The following NMNAT3 variants were observed in gnomAD, a reference collection of about 807,000 sequenced individuals.
NMNAT3 encodes the protein nicotinamide/nicotinic acid mononucleotide adenylyltransferase 3.
A neutral mutation model predicts 24.8 loss-of-function variants in NMNAT3; 21 were observed. The ratio of observed to expected loss-of-function variants is 0.85; its 90% CI spans 0.60 to 1.22. The LOEUF is 1.22. Ranked by LOEUF, NMNAT3 falls within the 50% of genes most tolerant of loss-of-function variation. The pLI, the probability that NMNAT3 is intolerant of heterozygous loss-of-function variation, is 0.00. For synonymous variants in NMNAT3, 136 were observed against 155.2 expected (o/e 0.88, Z 0.92); for missense variants, 387 against 436.6 (o/e 0.89, Z 1.01).
At chr3:139,648,841 A>G (rs951674307) in intron 1 of NMNAT3, among the ~76,000 whole-genome samples, 2 of 152,230 alleles carry the variant, frequency 1.3e-5, no homozygotes. Context: ...ATTATTGAGT[A>G]AATACTGGTA....
chr3:139,587,472 G>T (rs1405822729), intron 3 of NMNAT3, among the ~76,000 whole-genome samples: 7 of 152,148 alleles, frequency 4.6e-5, no homozygotes, highest in Admixed American at 1.3e-4. Flanking sequence ...AGATCCCTCG[G>T]CTAGAAAGTA....
chr3:139,642,578 C>G (rs979630846), intron 1 of NMNAT3, among the ~76,000 whole-genome samples: 3 of 152,180 alleles, frequency 2.0e-5, no homozygotes, highest in Non-Finnish European at 2.9e-5. Flanking sequence ...TTGGTTGGCA[C>G]TGTGACCTGA....
chr3:139,672,535 T>G (rs1559979737), intron 1 of NMNAT3: 1 of 152,188 alleles, frequency 6.6e-6, no homozygotes, highest in Non-Finnish European at 1.5e-5. Context: ...ACAATTACAA[T>G]CCTATTATAG....
intron 3 of NMNAT3, among the ~76,000 whole-genome samples, chr3:139,605,023 C>T (rs2054879765): frequency 6.6e-6 from 1 of 152,028 alleles, no homozygotes; most frequent in Non-Finnish European, 1.5e-5. Context: ...GATGCCAGCC[C>T]TCCTGATCCT....
intron 1 of NMNAT3, among the ~76,000 whole-genome samples, chr3:139,641,572 C>G (rs1026143297): frequency 6.6e-6 from 1 of 152,180 alleles, no homozygotes; most frequent in South Asian, 2.1e-4. Context: ...ACACTCCATT[C>G]TCAGAGGTTG....
rs772235122 is a variant in NMNAT3, at chr3:139,573,620, C to T, written c.636G>A (p.Lys212=). 3 of 1,602,750 alleles carry T rather than the reference C, an allele frequency of 1.9e-6. No homozygotes were observed. Among genetic ancestry groups the T allele is most frequent in the East Asian group, 2.3e-5 (1 of 44,414 alleles). Residue 212 remains lysine, a synonymous_variant, in exon 6 of 7, where the codon AAG becomes AAA. Transcript: ENST00000643695. ...CACCTGCAGGGGTCGAGAAGAGTGCCTTGCCATGGTCTGGGCCTTCCATCT... is the reference window on the plus strand; with the variant it reads ...CACCTGCAGGGGTCGAGAAGAGTGCTTTGCCATGGTCTGGGCCTTCCATCT...
chr3:139,616,483 C>A (rs1025302098), intron 3 of NMNAT3, among the ~76,000 whole-genome samples: 1 of 152,130 alleles, frequency 6.6e-6, no homozygotes, highest in Non-Finnish European at 1.5e-5. Flanking sequence ...TTATTACCTA[C>A]AGGTCACTCA....
In NMNAT3 at chr3:139,583,545, A is replaced by G. The variant is rs911577580; in HGVS notation, c.110-337T>C. 8.3e-6 allele frequency: 8 copies of G among 965,314 alleles called. 1 individual carries two copies. The highest frequency in any genetic ancestry group is 1.3e-5 in the Non-Finnish European group (8 of 592,630). The allele number at this position is 965,314 out of a possible 1,614,324, so 59.8% of individuals were successfully genotyped here. A position where few individuals can be genotyped will look rare whatever the true frequency, so the allele number is the denominator to read the frequency against. ...GACTGTTTTGTTTCCACAAAGTTTG[A>G]ATTATTTTCTTCACTTCATTTGAGA... On this transcript the variant is annotated intron_variant, in intron 3 of 6. Coordinates refer to ENST00000643695, the MANE Select transcript of NMNAT3 (RefSeq NM_001320510.2).
chr3:139,607,215 T>C (rs1021600), intron 3 of NMNAT3, among the ~76,000 whole-genome samples: 127,584 of 151,976 alleles, frequency 0.84, 54,065 homozygotes, highest in South Asian at 0.91. Context: ...CACCACTCTG[T>C]ACTTATTTCT....
chr3:139,643,715 G>A (rs573114442), intron 1 of NMNAT3, among the ~76,000 whole-genome samples: 10 of 152,226 alleles, frequency 6.6e-5, no homozygotes, highest in African/African-American at 1.9e-4. Flanking sequence ...TGGCGGTGCC[G>A]GGGGTGGGAG....
chr3:139,644,027 C>A (rs917278640), intron 1 of NMNAT3, among the ~76,000 whole-genome samples: 4 of 152,138 alleles, frequency 2.6e-5, no homozygotes, highest in African/African-American at 9.7e-5. Flanking sequence ...TTGCCTATAC[C>A]AAGAGAATCA....
Position 139,590,940 on chromosome 3 carries a change from A to T in NMNAT3, c.110-7732T>A, listed in dbSNP as rs2054134569. On this transcript the variant is annotated intron_variant, in intron 3 of 6. Transcript: ENST00000643695. ...TAATGATATAGATTAAAAATATATAAAAAAAGAATTTACTCAGAGGAGGAG... is the reference window on the plus strand; with the variant it reads ...TAATGATATAGATTAAAAATATATATAAAAAGAATTTACTCAGAGGAGGAG... Among the ~76,000 whole-genome samples the T allele has an allele frequency of 2.0e-5, 3 of 152,222 alleles. 1 individual carries two copies. In the South Asian group the frequency reaches 6.2e-4, roughly 32 times the overall value.
chr3:139,563,396 A>C (rs1428472040), intron 6 of NMNAT3, among the ~76,000 whole-genome samples: 2 of 152,158 alleles, frequency 1.3e-5, no homozygotes, highest in African/African-American at 4.8e-5. Context: ...ATTTGCTGGG[A>C]CCTGGGACAC....
chr3:139,665,058 C>T (rs757904985), intron 1 of NMNAT3, among the ~76,000 whole-genome samples: 1 of 152,180 alleles, frequency 6.6e-6, no homozygotes, highest in African/African-American at 2.4e-5. Flanking sequence ...ACACCCTCCT[C>T]CACAATAAAC....
intron 5 of NMNAT3, chr3:139,576,075 C>T: frequency 1.6e-6 from 2 of 1,284,660 alleles, no homozygotes; most frequent in African/African-American, 1.5e-5. Context: ...TCAGTAAGCT[C>T]TACAGTGAAT....
intron 3 of NMNAT3, among the ~76,000 whole-genome samples, chr3:139,616,932 C>T (rs1426485869): frequency 6.6e-6 from 1 of 152,204 alleles, no homozygotes; most frequent in East Asian, 1.9e-4. Flanking sequence ...TGTCCTTTTG[C>T]TCTGTGCCTC....
At chr3:139,579,765 A>G (rs1276430526) in intron 4 of NMNAT3, among the ~76,000 whole-genome samples, 1 of 152,216 alleles carries the variant, frequency 6.6e-6, no homozygotes, top group African/African-American at 2.4e-5. Flanking sequence ...AGCCTAGTCT[A>G]TCTTGACAAA....
intron 3 of NMNAT3, among the ~76,000 whole-genome samples, chr3:139,603,788 C>T (rs1175567051): frequency 6.6e-6 from 1 of 151,406 alleles, no homozygotes; most frequent in Non-Finnish European, 1.5e-5. Flanking sequence ...ACCACCACTG[C>T]CACTAGTGCA....
intron 3 of NMNAT3, among the ~76,000 whole-genome samples, chr3:139,623,384 C>A (rs2055889532): frequency 6.6e-6 from 1 of 152,092 alleles, no homozygotes; most frequent in Non-Finnish European, 1.5e-5. Context: ...GATAACAATG[C>A]CTTCTTCTGG....
Sources: allele counts gnomAD v4.1 joint callset (sites outside exome capture counted in the v4.1 genomes callset), GRCh38; gene constraint gnomAD v4.1.1; transcripts MANE v1.5; gene names NCBI Gene and HGNC (gene_info 2026-07-23, HGNC 2026-07-21).